SLC24A3: variants seen among roughly 807,000 people sequenced by gnomAD.
SLC24A3 encodes the protein solute carrier family 24 member 3, also known as sodium/potassium/calcium exchanger 3.
In SLC24A3, 28 loss-of-function variants were observed where a neutral mutation model predicts 75.8. That is an observed-to-expected ratio of 0.37 (90% CI 0.27 to 0.51). The LOEUF is 0.51. SLC24A3 is among the 20% of genes least tolerant of loss of function. SLC24A3 has a pLI of 0.94. For synonymous variants in SLC24A3, 372 were observed against 334.1 expected, an observed-to-expected ratio of 1.11 and a Z score of -1.24; for missense variants, 663 against 847.8, an observed-to-expected ratio of 0.78 and a Z score of 2.71.
chr20:19,455,276 T>C (rs1987559317), intron 2 of SLC24A3, among the ~76,000 whole-genome samples: 1 of 152,194 alleles, frequency 6.6e-6, no homozygotes, highest in African/African-American at 2.4e-5. Flanking sequence ...TGATATAGTG[T>C]TGAGTCATTG....
chr20:19,489,774 C>A (rs5027306), intron 2 of SLC24A3, among the ~76,000 whole-genome samples: 49,975 of 151,676 alleles, frequency 0.33, 8,830 homozygotes, highest in East Asian at 0.51. Context: ...GTTCAGAAAA[C>A]AGTTCAGAGC....
At chr20:19,256,761 G>T (rs748352532) in intron 1 of SLC24A3, among the ~76,000 whole-genome samples, 1 of 120,818 alleles carries the variant, frequency 8.3e-6, no homozygotes, top group Admixed American at 9.5e-5. Flanking sequence ...AGAGCAAGAC[G>T]TTGTCTCAAA....
chr20:19,719,701 C>T (rs2033082529), intron 16 of SLC24A3, among the ~76,000 whole-genome samples: 1 of 152,216 alleles, frequency 6.6e-6, no homozygotes, highest in Non-Finnish European at 1.5e-5. Flanking sequence ...GACCCATCCG[C>T]ATGGCTGACC....
At chr20:19,645,702 T>A (rs775322658) in intron 6 of SLC24A3, among the ~76,000 whole-genome samples, 68 of 152,144 alleles carry the variant, frequency 4.5e-4, no homozygotes, top group Non-Finnish European at 1.2e-4. Context: ...CTTTAGCAAC[T>A]ATTTCAACTA....
chr20:19,508,944 G>A (rs930769975), intron 2 of SLC24A3, among the ~76,000 whole-genome samples: 3 of 152,234 alleles, frequency 2.0e-5, no homozygotes, highest in African/African-American at 7.2e-5. Context: ...CACCATCCAG[G>A]TAAACAGATG....
intron 15 of SLC24A3, among the ~76,000 whole-genome samples, chr20:19,716,140 A>G (rs1301244970): frequency 6.6e-6 from 1 of 152,156 alleles, no homozygotes; most frequent in African/African-American, 2.4e-5. Flanking sequence ...GAGATCCTGC[A>G]TTTCTAACAA....
intron 3 of SLC24A3, among the ~76,000 whole-genome samples, chr20:19,537,227 G>C (rs1260634666): frequency 2.0e-5 from 3 of 152,210 alleles, no homozygotes; most frequent in African/African-American, 7.2e-5. Flanking sequence ...GATATGAACA[G>C]ACACTTCTCA....
chr20:19,231,604 C>G (rs1982025764), intron 1 of SLC24A3, among the ~76,000 whole-genome samples: 1 of 152,172 alleles, frequency 6.6e-6, no homozygotes, highest in South Asian at 2.1e-4. Context: ...GCAGATTCTT[C>G]CCAAGAGCTT....
At chr20:19,716,280 A>T (rs1352890423) in intron 15 of SLC24A3, among the ~76,000 whole-genome samples, 1 of 152,126 alleles carries the variant, frequency 6.6e-6, no homozygotes, top group Non-Finnish European at 1.5e-5. Context: ...TGTCTTCTCT[A>T]CATCATGAAA....
At chr20:19,378,135 T>C (rs1023568014) in intron 2 of SLC24A3, among the ~76,000 whole-genome samples, 2 of 152,118 alleles carry the variant, frequency 1.3e-5, no homozygotes, top group Non-Finnish European at 2.9e-5. Flanking sequence ...TGGAGAGTGC[T>C]CTCCAGGAAC....
rs141547561 is a variant in SLC24A3 at position 19,254,364 on chromosome 20, C to T, written c.143-26595C>T. On this transcript the variant is annotated intron_variant, in intron 1 of 16. Coordinates refer to ENST00000328041, the MANE Select transcript of SLC24A3 (RefSeq NM_020689.4). Reference sequence around the variant, plus strand: ...CATCTGTGGGGACGCGGCCTCCCCACGCTCACTACATTGCTTGCCACCTCA... The same window carrying T: ...CATCTGTGGGGACGCGGCCTCCCCATGCTCACTACATTGCTTGCCACCTCA... Among the ~76,000 whole-genome samples, 573 of 152,284 alleles carry T rather than the reference C, an allele frequency of 3.8e-3. 2 individuals are homozygous for T. Among genetic ancestry groups the T allele is most frequent in the Non-Finnish European group, 6.5e-3 (441 of 68,026 alleles).
chr20:19,519,726 G>A (rs1035062067), intron 3 of SLC24A3, among the ~76,000 whole-genome samples: 26 of 152,210 alleles, frequency 1.7e-4, no homozygotes, highest in Non-Finnish European at 2.9e-4. Flanking sequence ...CCAAGTAAAG[G>A]AAGAAGGCTA....
At chr20:19,275,176 C>G (rs1362372065) in intron 1 of SLC24A3, among the ~76,000 whole-genome samples, 1 of 152,164 alleles carries the variant, frequency 6.6e-6, no homozygotes. Context: ...AAAGGAGCTG[C>G]TATGCCCCTA....
chr20:19,649,944 A>T (rs1363515093), intron 6 of SLC24A3, among the ~76,000 whole-genome samples: 1 of 152,236 alleles, frequency 6.6e-6, no homozygotes. Context: ...GAACCCTTCT[A>T]AACCCTCTTC....
intron 1 of SLC24A3, among the ~76,000 whole-genome samples, chr20:19,235,247 A>G (rs1338972042): frequency 2.0e-5 from 3 of 152,180 alleles, no homozygotes; most frequent in Admixed American, 6.5e-5. Context: ...TCAAATGTGC[A>G]TGAAGGTGCT....
intron 1 of SLC24A3, among the ~76,000 whole-genome samples, chr20:19,254,036 A>G (rs1982738144): frequency 6.6e-6 from 1 of 152,194 alleles, no homozygotes; most frequent in South Asian, 2.1e-4. Context: ...ACTCTGGCCC[A>G]TGTTGCCAGG....
rs577605569 is a variant in SLC24A3, at chr20:19,601,627, G to A, written c.612+16083G>A. Among the ~76,000 whole-genome samples the A allele has an allele frequency of 3.9e-5, 6 of 152,156 alleles. No homozygotes were observed. The South Asian group carries it at 6.3e-4, about 16-fold the overall frequency. On this transcript the variant is annotated intron_variant, in intron 6 of 16. Coordinates refer to ENST00000328041, the MANE Select transcript of SLC24A3 (RefSeq NM_020689.4). ...GTTAGATGTAGCCCTTTCTCAGAAC[G>A]GTGTTGACACATGATTCATGCAAGG...
chr20:19,566,742 G>T (rs2030965193), intron 3 of SLC24A3, among the ~76,000 whole-genome samples: 1 of 152,218 alleles, frequency 6.6e-6, no homozygotes, highest in African/African-American at 2.4e-5. Flanking sequence ...CAGAGTGTGT[G>T]TGTGCTTGCC....
At chr20:19,397,338 C>T (rs1488893330) in intron 2 of SLC24A3, among the ~76,000 whole-genome samples, 1 of 152,102 alleles carries the variant, frequency 6.6e-6, no homozygotes, top group Non-Finnish European at 1.5e-5. Flanking sequence ...TAGGTTCTTG[C>T]CAAAGGTATG....
Sources: allele counts gnomAD v4.1 joint callset (sites outside exome capture counted in the v4.1 genomes callset), GRCh38; gene constraint gnomAD v4.1.1; transcripts MANE v1.5; gene names NCBI Gene and HGNC (gene_info 2026-07-23, HGNC 2026-07-21).